Variants in PAPOLG observed in about 807,000 individuals in gnomAD.
PAPOLG encodes poly(A) polymerase gamma.
A neutral mutation model predicts 99.0 loss-of-function variants in PAPOLG; 40 were observed. The observed-to-expected ratio is 0.40, with a 90% CI of 0.31 to 0.53. The LOEUF (loss-of-function observed/expected upper bound fraction) is 0.53. PAPOLG is among the 20% of genes least tolerant of loss of function. PAPOLG has a pLI of 0.41. For synonymous variants in PAPOLG, 310 were observed against 299.3 expected, an observed-to-expected ratio of 1.04 and a Z score of -0.37; for missense variants, 675 against 884.1, an observed-to-expected ratio of 0.76 and a Z score of 3.00.
chr2:60,759,383 A>G (rs1413671183), intron 1 of PAPOLG, among the ~76,000 whole-genome samples: 1 of 152,124 alleles, frequency 6.6e-6, no homozygotes, highest in Non-Finnish European at 1.5e-5. Flanking sequence ...AAAAAAGAAA[A>G]AAAAGTCTCA....
chr2:60,777,997 A>G (rs1396616458), intron 8 of PAPOLG, among the ~76,000 whole-genome samples: 1 of 152,236 alleles, frequency 6.6e-6, no homozygotes, highest in Admixed American at 6.5e-5. Flanking sequence ...TGACACAGAG[A>G]CATGAAGTGA....
rs1367287383 is a variant in PAPOLG at position 60,794,985 on chromosome 2, A to G, written c.2077A>G (p.Met693Val). The change falls in exon 21 of 22, where the codon ATG (methionine) becomes GTG (valine). Residue 693 changes from methionine to valine, a missense_variant. By Grantham distance (21) the Met-to-Val change is conservative (BLOSUM62 1). Around this residue, in one of 3 missense-constraint regions of PAPOLG, gnomAD observed 413 missense variants for 460.5 expected, o/e 0.90. Coordinates refer to ENST00000238714, the MANE Select transcript of PAPOLG (RefSeq NM_022894.4). ...KSVDAIGGESMPIPTIDTSRK... is the reference protein window; with the variant it reads ...KSVDAIGGESVPIPTIDTSRK... ...TTAGGATGCCATTGGAGGAGAATCT[A>G]TGCCTATTCCAACTATTGATACATC... is the stretch of plus-strand genomic sequence containing the variant. 6 of 1,613,748 alleles carry G rather than the reference A, an allele frequency of 3.7e-6. No individual in the cohort carries two copies. The highest frequency in any genetic ancestry group is 1.1e-5 in the South Asian group (1 of 91,074).
chr2:60,781,550 G>T (rs1558701143), intron 10 of PAPOLG, among the ~76,000 whole-genome samples: 1 of 152,144 alleles, frequency 6.6e-6, no homozygotes, highest in Non-Finnish European at 1.5e-5. Context: ...TGAGTGGGTG[G>T]TGAAAAAGGA....
rs145871131 is a variant in PAPOLG, at chr2:60,794,108, A to G, written c.1906A>G (p.Asn636Asp). Residue 636 changes from asparagine to aspartate, a missense_variant, in exon 19 of 22, where the codon AAT (asparagine) becomes GAT (aspartate). Asn to Asp is a conservative substitution (Grantham distance 23). Coordinates refer to ENST00000238714, the MANE Select transcript of PAPOLG (RefSeq NM_022894.4). Reference protein sequence around the residue: ...QGQPHLNGMSNITKTVTPKRS... With the variant: ...QGQPHLNGMSDITKTVTPKRS... ...ACAACCGCATCTGAATGGAATGTCA[A>G]ATATAACTAAGACTGTTACACCTAA... 4.3e-6 allele frequency: 7 copies of G among 1,614,102 alleles called. No individual in the cohort carries two copies. Among genetic ancestry groups the G allele is most frequent in the Non-Finnish European group, 5.9e-6 (7 of 1,179,972 alleles).
At chr2:60,772,694 G>A (rs1670891873) in intron 7 of PAPOLG, among the ~76,000 whole-genome samples, 2 of 152,082 alleles carry the variant, frequency 1.3e-5, no homozygotes, top group African/African-American at 4.8e-5. Flanking sequence ...GTTGTGGTGA[G>A]CTGAGATCAT....
chr2:60,784,173 A>G (rs1306540581), intron 13 of PAPOLG, among the ~76,000 whole-genome samples: 1 of 152,114 alleles, frequency 6.6e-6, no homozygotes, highest in East Asian at 1.9e-4. Flanking sequence ...GGGTTTCACC[A>G]TCTTGGCCAG....
At chr2:60,769,806 G>A (rs1670795185) in intron 5 of PAPOLG, among the ~76,000 whole-genome samples, 1 of 151,882 alleles carries the variant, frequency 6.6e-6, no homozygotes. Context: ...AGAACGTGCA[G>A]GTTTGTTACA....
intron 17 of PAPOLG, among the ~76,000 whole-genome samples, chr2:60,792,972 G>A (rs1558719306): frequency 6.6e-6 from 1 of 152,126 alleles, no homozygotes; most frequent in Non-Finnish European, 1.5e-5. Context: ...GGAGGTGGAG[G>A]TTGCAGTGAG....
chr2:60,760,986 G>A (rs57029643), intron 2 of PAPOLG, among the ~76,000 whole-genome samples: 1,915 of 152,306 alleles, frequency 0.013, 26 homozygotes, highest in African/African-American at 0.043. Flanking sequence ...AATGATGGTG[G>A]CTAGAACCTG....
At chr2:60,756,998 C>A (rs1036427052) in intron 1 of PAPOLG, among the ~76,000 whole-genome samples, 4 of 152,266 alleles carry the variant, frequency 2.6e-5, no homozygotes, top group Admixed American at 6.5e-5. Flanking sequence ...TCCCTCACCC[C>A]CTGCTTCCCC....
Position 60,787,712 on chromosome 2 carries a change from G to A in PAPOLG, c.1396+92G>A, listed in dbSNP as rs1030000982. 19 of 1,472,778 alleles carry A rather than the reference G, an allele frequency of 1.3e-5. No individual in the cohort carries two copies. The Admixed American group carries it at 4.3e-4, about 34-fold the overall frequency. 91.2% of individuals were successfully genotyped at this position (1,472,778 alleles called of 1,614,324 possible). On this transcript the variant is annotated intron_variant, in intron 15 of 21. Coordinates refer to ENST00000238714, the MANE Select transcript of PAPOLG (RefSeq NM_022894.4). ...AATCTGGCTGGCTGTACTTATTAAA[G>A]TTCCACAATTGGTTAAGTGAACATG... is the stretch of plus-strand genomic sequence containing the variant.
At chr2:60,758,143 C>T (rs1670405208) in intron 1 of PAPOLG, among the ~76,000 whole-genome samples, 1 of 152,154 alleles carries the variant, frequency 6.6e-6, no homozygotes, top group Admixed American at 6.5e-5. Context: ...CTGTCCTATT[C>T]ACTTACCGTA....
At chr2:60,795,280 A>G in intron 21 of PAPOLG, 1 of 592,234 alleles carries the variant, frequency 1.7e-6, no homozygotes, top group Non-Finnish European at 3.2e-6. Flanking sequence ...TTTGTTTTTT[A>G]TCTTTAAAGA....
At chr2:60,768,357 C>T (rs1275616312) in intron 3 of PAPOLG, 113 bp from the exon 4 acceptor site, 20 of 1,076,522 alleles carry the variant, frequency 1.9e-5, no homozygotes, top group Non-Finnish European at 2.4e-5. Context: ...CGGCCTTGGC[C>T]TCCTATAGTG....
chr2:60,797,117 T>A lies in PAPOLG; in HGVS notation c.2168T>A (p.Ile723Asn), dbSNP rs779031802. 2.4e-5 allele frequency: 38 copies of A among 1,613,986 alleles called. No individual in the cohort carries two copies. The South Asian group carries it at 4.2e-4, about 18-fold the overall frequency. The change falls in exon 22 of 22, where the codon ATC (isoleucine) becomes AAC (asparagine). Residue 723 changes from isoleucine (I) to asparagine (N), a missense_variant. Ile to Asn is a moderately radical substitution (Grantham distance 149, BLOSUM62 -3). Around this residue, in one of 3 missense-constraint regions of PAPOLG, gnomAD observed 413 missense variants for 460.5 expected, o/e 0.90. Coordinates refer to ENST00000238714, the MANE Select transcript of PAPOLG (RefSeq NM_022894.4). ...TCATCTCCAGTTCCAGCAAACAACA[T>A]CCGTGTCATCAAAAATTCCATTCGA... ...DSSSPVPANNIRVIKNSIRLT... is the reference protein window; with the variant it reads ...DSSSPVPANNNRVIKNSIRLT...
intron 3 of PAPOLG, among the ~76,000 whole-genome samples, chr2:60,766,263 T>A (rs1283494141): frequency 1.3e-5 from 2 of 152,080 alleles, no homozygotes; most frequent in Admixed American, 1.3e-4. Context: ...AGAATTGTAA[T>A]GGCAGAAAGC....
chr2:60,763,175 C>T (rs1003040707), intron 3 of PAPOLG, among the ~76,000 whole-genome samples: 2 of 151,922 alleles, frequency 1.3e-5, no homozygotes, highest in South Asian at 2.1e-4. Context: ...CTCCTGGGCT[C>T]AAGTGATCCT....
In PAPOLG at chr2:60,798,198, A is replaced by G. The variant is rs1046427828; in HGVS notation, c.*1038A>G. ...TTATTGAAACCTAAAGGCATTTTGA[A>G]TGACATTGTTACCAACCATTAATTG... On this transcript the variant is annotated 3_prime_UTR_variant, in exon 22 of 22. Transcript: ENST00000238714. 6.5e-6 allele frequency: 1 copy of G among 152,942 alleles called. No homozygotes were observed. Among genetic ancestry groups the G allele is most frequent in the Admixed American group, 6.5e-5 (1 of 15,300 alleles). The allele number at this position is 152,942 out of a possible 1,614,324, so 9.5% of individuals were successfully genotyped here.
intron 5 of PAPOLG, 91 bp downstream of exon 5, chr2:60,768,981 A>G (rs62149379): frequency 1.0e-6 from 1 of 952,776 alleles, no homozygotes; most frequent in Non-Finnish European, 1.5e-6. Flanking sequence ...AATACCTTCT[A>G]AGTTACTATT....
Sources: gnomAD v4.1 joint callset for allele counts (sites outside exome capture counted in the v4.1 genomes callset) on GRCh38, gnomAD v4.1.1 for gene constraint, gnomAD v4.1.1 regional missense constraint, MANE v1.5 for transcripts, NCBI Gene and HGNC (gene_info 2026-07-23, HGNC 2026-07-21) for gene names.